The following LHFPL6 variants were observed in gnomAD, a reference collection of about 807,000 sequenced individuals.
LHFPL6 encodes LHFPL tetraspan subfamily member 6, also known as LHFPL tetraspan subfamily member 6 protein.
Under a neutral mutation model 20.6 loss-of-function variants are expected in LHFPL6, and 9 were observed. The observed-to-expected ratio is 0.44, with a 90% CI of 0.26 to 0.76. The LOEUF is 0.76. Among genes scored for constraint, LHFPL6 ranks in the 30% least tolerant of loss-of-function variants. The probability of loss-of-function intolerance (pLI) is 0.20; values close to 1 mark genes in which losing one functional copy is unlikely to be tolerated. For missense variants in LHFPL6, 218 were observed against 253.5 expected, an observed-to-expected ratio of 0.86 and a Z score of 0.95; for synonymous variants, 105 against 98.7, an observed-to-expected ratio of 1.06 and a Z score of -0.38.
intron 2 of LHFPL6, among the ~76,000 whole-genome samples, chr13:39,575,642 A>C (rs765023858): frequency 3.3e-5 from 5 of 152,240 alleles, no homozygotes; most frequent in Non-Finnish European, 5.9e-5. Flanking sequence ...AAAGGAAAAG[A>C]AGCAGCAAAG....
intron 2 of LHFPL6, among the ~76,000 whole-genome samples, chr13:39,527,136 G>A (rs1870314892): frequency 6.6e-6 from 1 of 152,164 alleles, no homozygotes; most frequent in Admixed American, 6.5e-5. Flanking sequence ...AAAATCACTA[G>A]AAATTTGCAT....
intron 2 of LHFPL6, among the ~76,000 whole-genome samples, chr13:39,389,220 T>C (rs17803537): frequency 0.012 from 1,847 of 152,214 alleles, 14 homozygotes; most frequent in Non-Finnish European, 0.018. Flanking sequence ...GCTTCTACAC[T>C]GGATCCCATG....
chr13:39,576,751 G>A (rs546136297), intron 2 of LHFPL6, among the ~76,000 whole-genome samples: 3 of 152,110 alleles, frequency 2.0e-5, no homozygotes, highest in East Asian at 1.9e-4. Context: ...CTCACAACTC[G>A]GCCTCCTGAG....
chr13:39,585,397 G>T (rs374145944), intron 2 of LHFPL6, among the ~76,000 whole-genome samples: 1 of 152,126 alleles, frequency 6.6e-6, no homozygotes, highest in Non-Finnish European at 1.5e-5. Flanking sequence ...TGTGTGTCAC[G>T]GCCTTCAATG....
At chr13:39,441,882 T>C (rs1023390052) in intron 2 of LHFPL6, among the ~76,000 whole-genome samples, 7 of 143,808 alleles carry the variant, frequency 4.9e-5, no homozygotes, top group Non-Finnish European at 6.0e-5. Context: ...TGGACTGGAG[T>C]GCAATGGTGC....
intron 2 of LHFPL6, among the ~76,000 whole-genome samples, chr13:39,560,570 A>T (rs1197302539): frequency 7.5e-6 from 1 of 133,570 alleles, no homozygotes; most frequent in African/African-American, 2.9e-5. Context: ...GCTGGAGTGC[A>T]GTGGCGCGAT....
chr13:39,541,647 T>C (rs191195947), intron 2 of LHFPL6, among the ~76,000 whole-genome samples: 1 of 152,216 alleles, frequency 6.6e-6, no homozygotes, highest in Non-Finnish European at 1.5e-5. Context: ...CACACATCTG[T>C]TGGAGTATTT....
At chr13:39,365,251 G>C (rs538110270) in intron 3 of LHFPL6, among the ~76,000 whole-genome samples, 1 of 152,152 alleles carries the variant, frequency 6.6e-6, no homozygotes, top group Admixed American at 6.5e-5. Context: ...ATGTGAAGAG[G>C]TGCTGCATTT....
At chr13:39,462,464 C>T (rs1422450752) in intron 2 of LHFPL6, among the ~76,000 whole-genome samples, 3 of 152,212 alleles carry the variant, frequency 2.0e-5, no homozygotes, top group Non-Finnish European at 4.4e-5. Flanking sequence ...CTCTCACTCA[C>T]ATAATTGTCA....
chr13:39,414,688 T>G (rs1042501524), intron 2 of LHFPL6, among the ~76,000 whole-genome samples: 1 of 152,226 alleles, frequency 6.6e-6, no homozygotes, highest in African/African-American at 2.4e-5. Context: ...AAACATGCTA[T>G]GAAATTCTTG....
intron 2 of LHFPL6, among the ~76,000 whole-genome samples, chr13:39,412,889 T>C (rs185032331): frequency 1.4e-5 from 2 of 146,524 alleles, no homozygotes; most frequent in Admixed American, 7.0e-5. Flanking sequence ...ACCATTGCAC[T>C]CCAGCCTGGT....
intron 2 of LHFPL6, among the ~76,000 whole-genome samples, chr13:39,386,636 T>C (rs1480239819): frequency 6.6e-6 from 1 of 152,228 alleles, no homozygotes; most frequent in East Asian, 1.9e-4. Flanking sequence ...TTGACCATCA[T>C]CATGTTTTAC....
chr13:39,558,027 T>C (rs966305687), intron 2 of LHFPL6, among the ~76,000 whole-genome samples: 3 of 152,226 alleles, frequency 2.0e-5, no homozygotes, highest in African/African-American at 7.2e-5. Context: ...GCTGGCACCA[T>C]GCTTTCCGTA....
chr13:39,381,555 G>A (rs1870436569), intron 2 of LHFPL6, among the ~76,000 whole-genome samples: 1 of 151,900 alleles, frequency 6.6e-6, no homozygotes. Flanking sequence ...AACAAACCAG[G>A]CTGGAACCCC....
intron 2 of LHFPL6, among the ~76,000 whole-genome samples, chr13:39,541,405 C>T (rs913236830): frequency 6.6e-6 from 1 of 152,220 alleles, no homozygotes. Flanking sequence ...CACAGGCCCT[C>T]CCCTAGCTGT....
intron 2 of LHFPL6, among the ~76,000 whole-genome samples, chr13:39,450,936 T>C (rs1872427459): frequency 6.6e-6 from 1 of 152,140 alleles, no homozygotes; most frequent in Admixed American, 6.6e-5. Flanking sequence ...GTAAAAATAA[T>C]AAAACAAAAC....
At chr13:39,423,319 C>T (rs560344873) in intron 2 of LHFPL6, among the ~76,000 whole-genome samples, 11 of 152,240 alleles carry the variant, frequency 7.2e-5, no homozygotes, top group Non-Finnish European at 1.3e-4. Flanking sequence ...TATTTTTCAA[C>T]TACATAATGC....
chr13:39,521,233 T>C (rs1341575812), intron 2 of LHFPL6, among the ~76,000 whole-genome samples: 1 of 152,020 alleles, frequency 6.6e-6, no homozygotes, highest in African/African-American at 2.4e-5. Context: ...TCTTCCAAGT[T>C]TGAAGTAGAC....
chr13:39,548,322 C>G (rs1871041500), intron 2 of LHFPL6, among the ~76,000 whole-genome samples: 1 of 151,966 alleles, frequency 6.6e-6, no homozygotes, highest in African/African-American at 2.4e-5. Flanking sequence ...GTTACTCTGG[C>G]AAGGTGAAAG....
Sources: allele counts gnomAD v4.1 joint callset (sites outside exome capture counted in the v4.1 genomes callset), GRCh38; gene constraint gnomAD v4.1.1; transcripts MANE v1.5; gene names NCBI Gene and HGNC (gene_info 2026-07-23, HGNC 2026-07-21).